Variants in PTPRN2 observed in about 807,000 individuals in gnomAD.
PTPRN2 encodes protein tyrosine phosphatase receptor type N2.
In PTPRN2, 74 loss-of-function variants were observed where a neutral mutation model predicts 118.8. The ratio of observed to expected loss-of-function variants is 0.62; its 90% CI spans 0.52 to 0.76. PTPRN2 has a LOEUF of 0.76. Among genes scored for constraint, PTPRN2 ranks in the 30% least tolerant of loss-of-function variants. PTPRN2 has a pLI of 0.00. For missense variants in PTPRN2, 1,481 were observed against 1,394.4 expected (o/e 1.06, Z -0.99); for synonymous variants, 641 against 608.0 (o/e 1.05, Z -0.80).
At chr7:158,333,843 AG>A (rs1805011616) in intron 2 of PTPRN2, among the ~76,000 whole-genome samples, 2 of 93,880 alleles carry the variant, frequency 2.1e-5, no homozygotes, top group African/African-American at 8.0e-5. Context: ...CTCTCACCAT[AG>A]AGCTGACACC....
chr7:158,071,229 G>C (rs1293491487), intron 11 of PTPRN2, among the ~76,000 whole-genome samples: 2 of 65,154 alleles, frequency 3.1e-5, no homozygotes, highest in African/African-American at 6.9e-5. Flanking sequence ...AGGTGCCCGT[G>C]GTGGTGGAGG....
At chr7:158,423,667 G>A (rs1329197220) in intron 2 of PTPRN2, among the ~76,000 whole-genome samples, 1 of 152,094 alleles carries the variant, frequency 6.6e-6, no homozygotes. Flanking sequence ...CTGAGTAGCT[G>A]AGATTACTAG....
intron 22 of PTPRN2, 104 bp downstream of exon 22, chr7:157,548,842 T>C: frequency 8.7e-7 from 1 of 1,143,722 alleles, no homozygotes; most frequent in South Asian, 1.3e-5. Context: ...GCAATCGGTG[T>C]GCGGCTCACA....
chr7:158,107,286 T>G (rs1471449432), intron 10 of PTPRN2, among the ~76,000 whole-genome samples: 1 of 152,080 alleles, frequency 6.6e-6, no homozygotes, highest in Non-Finnish European at 1.5e-5. Flanking sequence ...TCCAGGTACC[T>G]GAAACAAACC....
At chr7:157,902,021 G>A (rs72621119) in intron 11 of PTPRN2, among the ~76,000 whole-genome samples, 26,884 of 151,950 alleles carry the variant, frequency 0.18, 2,704 homozygotes, top group Admixed American at 0.32. Context: ...CCTTGGTTCT[G>A]GAGTGCACAC....
At chr7:158,052,409 A>G (rs571652377) in intron 11 of PTPRN2, among the ~76,000 whole-genome samples, 1 of 152,318 alleles carries the variant, frequency 6.6e-6, no homozygotes, top group South Asian at 2.1e-4. Context: ...TCTGTGGGTT[A>G]TTGGGGGAAG....
intron 5 of PTPRN2, among the ~76,000 whole-genome samples, chr7:158,171,312 T>TATATATATATATACATAC (rs1823655242): frequency 3.1e-5 from 1 of 31,882 alleles, no homozygotes; most frequent in African/African-American, 1.1e-4. Context: ...TACACACATA[T>TATATATATATATACATAC]ATATATATAT....
At chr7:158,070,330 T>TGGTGGTGCTCGTGGTG (rs1554527361) in intron 11 of PTPRN2, among the ~76,000 whole-genome samples, 2 of 125,882 alleles carry the variant, frequency 1.6e-5, no homozygotes, top group African/African-American at 3.1e-5. Flanking sequence ...GTGCTCGTGG[T>TGGTGGTGCTCGTGGTG]GTGGAGGTGC....
At chr7:157,688,550 T>C (rs144337995) in intron 12 of PTPRN2, among the ~76,000 whole-genome samples, 167 of 152,256 alleles carry the variant, frequency 1.1e-3, no homozygotes, top group African/African-American at 3.9e-3. Context: ...CTGACCCCTA[T>C]TTTTGGCCCG....
chr7:158,220,881 CA>C (rs201797228), intron 3 of PTPRN2, among the ~76,000 whole-genome samples: 1,763 of 126,490 alleles, frequency 0.014, 30 homozygotes, highest in African/African-American at 0.041. Context: ...CATATGGATC[CA>C]AAAAAAAAAA....
intron 12 of PTPRN2, among the ~76,000 whole-genome samples, chr7:157,772,314 T>TACAGACAC (rs1802917087): frequency 4.4e-5 from 3 of 68,728 alleles, no homozygotes; most frequent in African/African-American, 2.6e-4. Flanking sequence ...CAGACACACA[T>TACAGACAC]AGACACAGAC....
intron 12 of PTPRN2, among the ~76,000 whole-genome samples, chr7:157,836,776 G>A (rs1329854292): frequency 1.3e-5 from 2 of 152,130 alleles, no homozygotes; most frequent in Non-Finnish European, 2.9e-5. Context: ...ACCATGTCCT[G>A]GCCTGGACCA....
chr7:158,423,221 C>T (rs925724261), intron 2 of PTPRN2, among the ~76,000 whole-genome samples: 23 of 152,356 alleles, frequency 1.5e-4, no homozygotes, highest in Middle Eastern at 3.4e-3. Context: ...CAAGAGAAAC[C>T]ACGGGGGAGA....
chr7:158,284,929 G>T (rs1242045490), intron 3 of PTPRN2, among the ~76,000 whole-genome samples: 1 of 152,208 alleles, frequency 6.6e-6, no homozygotes, highest in Non-Finnish European at 1.5e-5. Context: ...ATTGCATAGG[G>T]TGAGCAGTCT....
intron 2 of PTPRN2, among the ~76,000 whole-genome samples, chr7:158,363,424 C>G (rs964772513): frequency 6.6e-6 from 1 of 152,152 alleles, no homozygotes; most frequent in African/African-American, 2.4e-5. Context: ...TCGGAAAAAA[C>G]AAAACATACA....
chr7:157,826,905 C>T (rs1391874518), intron 12 of PTPRN2, among the ~76,000 whole-genome samples: 1 of 152,128 alleles, frequency 6.6e-6, no homozygotes, highest in Non-Finnish European at 1.5e-5. Flanking sequence ...TGCCCAGGAG[C>T]ACGACTTATC....
chr7:157,915,829 T>C (rs1177836502), intron 11 of PTPRN2, among the ~76,000 whole-genome samples: 1 of 152,164 alleles, frequency 6.6e-6, no homozygotes, highest in South Asian at 2.1e-4. Flanking sequence ...AAATTATCTC[T>C]ATGTCCTCAT....
chr7:158,102,305 C>T (rs1024056724), intron 10 of PTPRN2, among the ~76,000 whole-genome samples: 7 of 152,196 alleles, frequency 4.6e-5, no homozygotes, highest in Non-Finnish European at 1.0e-4. Context: ...TCAATGCACG[C>T]ATCCCGAGCT....
At chr7:158,519,098 C>A (rs1823789788) in intron 1 of PTPRN2, among the ~76,000 whole-genome samples, 1 of 152,190 alleles carries the variant, frequency 6.6e-6, no homozygotes, top group African/African-American at 2.4e-5. Context: ...CAAAGCACTG[C>A]AGCAGAGAAC....
Sources: gnomAD v4.1 joint callset for allele counts (sites outside exome capture counted in the v4.1 genomes callset) on GRCh38, gnomAD v4.1.1 for gene constraint, MANE v1.5 for transcripts, NCBI Gene and HGNC (gene_info 2026-07-23, HGNC 2026-07-21) for gene names.